Variants in CACNB1 observed in about 807,000 individuals in gnomAD.
CACNB1 encodes the protein calcium voltage-gated channel auxiliary subunit beta 1.
Under a neutral mutation model 71.6 loss-of-function variants are expected in CACNB1, and 29 were observed. The ratio of observed to expected loss-of-function variants is 0.40; its 90% CI spans 0.30 to 0.55. The LOEUF is 0.55. Ranked by LOEUF, CACNB1 falls within the 20% of genes least tolerant of loss-of-function variation. The pLI is 0.38. For synonymous variants in CACNB1, 300 were observed against 319.6 expected (o/e 0.94, Z 0.65); for missense variants, 623 against 801.8 (o/e 0.78, Z 2.69).
At chr17:39,176,884 G>A (rs2045591697) in intron 13 of CACNB1, among the ~76,000 whole-genome samples, 1 of 152,196 alleles carries the variant, frequency 6.6e-6, no homozygotes, top group Admixed American at 6.5e-5. Flanking sequence ...AGGGCTCCAG[G>A]GAGGGAGAGT....
At chr17:39,197,288 G>C (rs2046221313) in intron 1 of CACNB1, 124 bp downstream of exon 1, 2 of 487,408 alleles carry the variant, frequency 4.1e-6, no homozygotes, top group African/African-American at 4.2e-5. Context: ...TGGGGGGCGC[G>C]CAGGCATCCC....
rs1001411770 is a variant in CACNB1 at position 39,175,821 on chromosome 17, C to T, written c.1333-164G>A. Among the ~76,000 whole-genome samples the T allele has an allele frequency of 1.3e-5, 2 of 152,146 alleles. No individual in the cohort carries two copies. The highest frequency in any genetic ancestry group is 2.9e-5 in the Non-Finnish European group (2 of 68,024). On this transcript the variant is annotated intron_variant, in intron 13 of 13. Coordinates refer to ENST00000394303, the MANE Select transcript of CACNB1 (RefSeq NM_000723.5). This position sits in a 1 kb window ranked among gnomAD's most constrained non-coding sequence, Gnocchi z 4.7. ...GGGACAAACGGCTCTGGAGCCCAGC[C>T]AGAGGACAGACCTCAGGGCATTTGC... is the stretch of plus-strand genomic sequence containing the variant.
chr17:39,184,711 C>T, intron 8 of CACNB1, 73 bp downstream of exon 8: 2 of 1,105,294 alleles, frequency 1.8e-6, no homozygotes. Flanking sequence ...TCGGGCCCTT[C>T]TAGGGGATCT....
Position 39,186,034 on chromosome 17 carries a change from A to G in CACNB1, c.628+462T>C. The G allele has an allele frequency of 6.2e-7, 1 of 1,613,942 alleles. No individual in the cohort carries two copies. The highest frequency in any genetic ancestry group is 8.5e-7 in the Non-Finnish European group (1 of 1,179,934). ...TAGTCTTGGCAGAGCCACTCTGCTC[A>G]CCAAGCTCAGCCTCTTCCTCCTCTA... is the stretch of plus-strand genomic sequence containing the variant. On this transcript the variant is annotated intron_variant, in intron 6 of 13. Transcript: ENST00000394303. The surrounding 1 kb of genome is among the most constrained non-coding windows in gnomAD (Gnocchi z 4.1).
At chr17:39,179,589 A>AG (rs2045694785) in intron 11 of CACNB1, among the ~76,000 whole-genome samples, 1 of 149,972 alleles carries the variant, frequency 6.7e-6, no homozygotes, top group Non-Finnish European at 1.5e-5. Context: ...AAAAAAAAAA[A>AG]AAAGAAAGAA....
intron 1 of CACNB1, among the ~76,000 whole-genome samples, chr17:39,196,616 A>T (rs549777888): frequency 6.6e-6 from 1 of 152,194 alleles, no homozygotes; most frequent in South Asian, 2.1e-4. Context: ...TGGTCACCCC[A>T]TGAGAACCCA....
rs916292367 is a variant in CACNB1, at chr17:39,191,817, CAGG to C, written c.172-227_172-225del. The C allele has an allele frequency of 5.7e-6, 3 of 524,444 alleles. No individual in the cohort carries two copies. In the African/African-American group the frequency reaches 6.1e-5, roughly 11 times the overall value. The allele number at this position is 524,444 out of a possible 1,614,324, so 32.5% of individuals were successfully genotyped here. A position where few individuals can be genotyped will look rare whatever the true frequency, so the allele number is the denominator to read the frequency against. On this transcript the variant is annotated intron_variant, in intron 2 of 13. Transcript: ENST00000394303. ...CCCTAGTGAGGGTGACAGCAGCAAG[CAGG>C]AGATGAAGGCAGGCCCAAGGACAGC...
intron 2 of CACNB1, 128 bp from the exon 3 acceptor site, chr17:39,191,721 G>C: frequency 1.1e-6 from 1 of 871,000 alleles, no homozygotes; most frequent in Non-Finnish European, 1.7e-6. Context: ...CACCACAAGG[G>C]CTAAGACAAG....
Position 39,175,376 on chromosome 17 carries a change from G to A in CACNB1, c.1614C>T (p.Gly538=), listed in dbSNP as rs368946484. Residue 538 remains glycine (G), a synonymous_variant, in exon 14 of 14, where the codon GGC becomes GGT. Coordinates refer to ENST00000394303, the MANE Select transcript of CACNB1 (RefSeq NM_000723.5). This position sits in a 1 kb window ranked among gnomAD's most constrained non-coding sequence, Gnocchi z 4.7. ...EGPGLGDPAG[G]GTPPARQGSW... The stretch of plus-strand genomic sequence containing the variant: ...ATCCCTGTCGGGCTGGGGGCGTGCC[G>A]CCCCCTGCAGGGTCTCCAAGCCCTG... 29 of 1,613,978 alleles carry A rather than the reference G, an allele frequency of 1.8e-5. No homozygotes were observed. Among genetic ancestry groups the A allele is most frequent in the East Asian group, 8.9e-5 (4 of 44,886 alleles).
Position 39,197,553 on chromosome 17 carries a change from G to A in CACNB1, c.-58C>T. On this transcript the variant is annotated 5_prime_UTR_variant, in exon 1 of 14. Coordinates refer to ENST00000394303, the MANE Select transcript of CACNB1 (RefSeq NM_000723.5). ...GCCCAGCCGGGCTCCCTCAGCGCAT[G>A]GGAGAGGCCGTGGGAGCCGAAAGCA... The A allele has an allele frequency of 1.5e-6, 2 of 1,325,862 alleles. No individual in the cohort carries two copies. Among genetic ancestry groups the A allele is most frequent in the Admixed American group, 3.1e-5 (1 of 31,766 alleles). 82.1% of individuals were successfully genotyped at this position (1,325,862 alleles called of 1,614,324 possible).
Position 39,186,643 on chromosome 17 carries a change from G to A in CACNB1, c.552-71C>T. On this transcript the variant is annotated intron_variant, in intron 5 of 13. Coordinates refer to ENST00000394303, the MANE Select transcript of CACNB1 (RefSeq NM_000723.5). The surrounding 1 kb of genome is among the most constrained non-coding windows in gnomAD (Gnocchi z 4.1). ...GTGGGGGGCTCTCATCCTCTCACAT[G>A]CGGCACCCCCGGAGGTGCTCCAGCC... 6.6e-7 allele frequency: 1 copy of A among 1,515,746 alleles called. No homozygotes were observed. Among genetic ancestry groups the A allele is most frequent in the Non-Finnish European group, 9.1e-7 (1 of 1,097,536 alleles). The allele number at this position is 1,515,746 out of a possible 1,614,324, so 93.9% of individuals were successfully genotyped here.
rs571087887 is a variant in CACNB1, at chr17:39,184,082, T to G, written c.847A>C (p.Asn283His). The G allele has an allele frequency of 7.3e-5, 118 of 1,613,834 alleles. 1 individual carries two copies. In the South Asian group the frequency reaches 9.1e-4, roughly 12 times the overall value. ...TCAATGATGATGTGTTTGCTGGGGT[T>G]GTTGAGAACTGAGCGCTTAGCCAGG... Reference protein sequence around the residue: ...ISLAKRSVLNNPSKHIIIERS... With the variant: ...ISLAKRSVLNHPSKHIIIERS... Residue 283 changes from asparagine (N) to histidine (H), a missense_variant, in exon 10 of 14, where the codon AAC becomes CAC. Coordinates refer to ENST00000394303, the MANE Select transcript of CACNB1 (RefSeq NM_000723.5).
In CACNB1 at chr17:39,181,564, A is replaced by C. The variant is rs966349884; in HGVS notation, c.1050+2149T>G. On this transcript the variant is annotated intron_variant, in intron 11 of 13. Coordinates refer to ENST00000394303, the MANE Select transcript of CACNB1 (RefSeq NM_000723.5). ...TAGAAGGTCCAGGCTGCCTGGTTCCAGAGTCCCTCCTCTTAACCTCAGTGG... is the reference window on the plus strand; with the variant it reads ...TAGAAGGTCCAGGCTGCCTGGTTCCCGAGTCCCTCCTCTTAACCTCAGTGG... Among the ~76,000 whole-genome samples, 6 of 152,338 alleles carry C rather than the reference A, an allele frequency of 3.9e-5. No individual in the cohort carries two copies. The South Asian group carries it at 8.3e-4, about 21-fold the overall frequency.
chr17:39,183,187 C>G (rs1666474949), intron 11 of CACNB1, among the ~76,000 whole-genome samples: 1 of 152,088 alleles, frequency 6.6e-6, no homozygotes, highest in African/African-American at 2.4e-5. Flanking sequence ...AAAATATTAG[C>G]CAGGCATGGT....
intron 7 of CACNB1, 49 bp from the exon 8 acceptor site, chr17:39,184,913 G>C: frequency 7.7e-7 from 1 of 1,302,716 alleles, no homozygotes; most frequent in Non-Finnish European, 1.1e-6. Context: ...GATGACATTA[G>C]ATCCTCTCCC....
At chr17:39,185,024 A>G in intron 7 of CACNB1, 107 bp downstream of exon 7, 2 of 1,124,368 alleles carry the variant, frequency 1.8e-6, no homozygotes. Context: ...AGGGAGAACC[A>G]GGAAGGGTGG....
intron 11 of CACNB1, 132 bp downstream of exon 11, chr17:39,183,581 G>A: frequency 1.3e-6 from 1 of 755,460 alleles, no homozygotes. Flanking sequence ...ATACGATGGA[G>A]CTTTACAGAG....
intron 13 of CACNB1, among the ~76,000 whole-genome samples, chr17:39,176,248 T>TG (rs2045574992): frequency 6.6e-6 from 1 of 152,158 alleles, no homozygotes; most frequent in Non-Finnish European, 1.5e-5. Flanking sequence ...GGAAGGCTGC[T>TG]GGGTCTCCCC....
rs964002806 is a variant in CACNB1 at position 39,185,186 on chromosome 17, G to A, written c.629-36C>T. 5.0e-6 allele frequency: 8 copies of A among 1,593,932 alleles called. No individual in the cohort carries two copies. In the African/African-American group the frequency reaches 1.1e-4, roughly 21 times the overall value. ...AGATTGCCAAGAGAGGGAAGGGGGA[G>A]GAGAGAGGGAAGGGGACCCAGGCAG... On this transcript the variant is annotated intron_variant, in intron 6 of 13. Coordinates refer to ENST00000394303, the MANE Select transcript of CACNB1 (RefSeq NM_000723.5).
Sources: gnomAD v4.1 joint callset for allele counts (sites outside exome capture counted in the v4.1 genomes callset) on GRCh38, gnomAD v4.1.1 for gene constraint, Gnocchi (gnomAD v3.1) non-coding constraint, MANE v1.5 for transcripts, NCBI Gene and HGNC (gene_info 2026-07-23, HGNC 2026-07-21) for gene names.